The following SLC7A6 variants were observed in gnomAD, a reference collection of about 807,000 sequenced individuals.
The protein encoded by SLC7A6 is solute carrier family 7 member 6.
In SLC7A6, 29 loss-of-function variants were observed where a neutral mutation model predicts 46.6. The observed-to-expected ratio is 0.62, with a 90% CI of 0.46 to 0.85. The LOEUF (loss-of-function observed/expected upper bound fraction) is 0.85. Among genes scored for constraint, SLC7A6 ranks in the 40% least tolerant of loss-of-function variants. SLC7A6 has a pLI of 0.00. For synonymous variants in SLC7A6, 276 were observed against 257.3 expected (o/e 1.07, Z -0.70); for missense variants, 527 against 647.6 (o/e 0.81, Z 2.02).
intron 3 of SLC7A6, among the ~76,000 whole-genome samples, chr16:68,283,962 AGAATCAG>A (rs1178974283): frequency 6.6e-6 from 1 of 152,168 alleles, no homozygotes; most frequent in East Asian, 1.9e-4. Flanking sequence ...TTTCTTAATT[AGAATCAG>A]GAGAACAGTC....
At chr16:68,294,673 G>T in intron 7 of SLC7A6, 32 bp from the exon 8 acceptor site, 2 of 1,471,992 alleles carry the variant, frequency 1.4e-6, no homozygotes, top group Non-Finnish European at 1.9e-6. Context: ...AAGGAGTAAA[G>T]GATCCTGCTG....
At chr16:68,277,195 T>C (rs975652258) in intron 3 of SLC7A6, among the ~76,000 whole-genome samples, 2 of 151,384 alleles carry the variant, frequency 1.3e-5, no homozygotes, top group African/African-American at 4.9e-5. Context: ...CAAATGATTC[T>C]CTTGCCTCAG....
At chr16:68,272,775 TATTGGTCACTGGGGTCAG>T (rs2042643920) in intron 2 of SLC7A6, among the ~76,000 whole-genome samples, 6 of 152,202 alleles carry the variant, frequency 3.9e-5, no homozygotes, top group Admixed American at 3.9e-4. Flanking sequence ...GGGCGAGCTG[TATTGGTCACTGGGGTCAG>T]ATTTCTCTGC....
rs2043043332 is a variant in SLC7A6 at position 68,291,204 on chromosome 16, G to GATAGAA, written c.795-4_795-3insTAGAAA. On this transcript the variant is annotated splice_polypyrimidine_tract_variant and splice_region_variant and intron_variant, in intron 5 of 10. Coordinates refer to ENST00000219343, the MANE Select transcript of SLC7A6 (RefSeq NM_003983.6). ...TAGGTAGTCCTTTCTCACTTGTCCT[G>GATAGAA]ACAGAAATTTGCCCTTGGCCATTGG... 6.2e-7 allele frequency: 1 copy of GATAGAA among 1,614,074 alleles called. No individual in the cohort carries two copies. The highest frequency in any genetic ancestry group is 8.5e-7 in the Non-Finnish European group (1 of 1,180,046).
chr16:68,275,406 A>G (rs1041152969), intron 3 of SLC7A6, among the ~76,000 whole-genome samples, 157 bp downstream of exon 3: 1 of 151,672 alleles, frequency 6.6e-6, no homozygotes, highest in Non-Finnish European at 1.5e-5. Context: ...GACCAGCCTG[A>G]CCAACATGGA....
intron 5 of SLC7A6, 188 bp downstream of exon 5, chr16:68,290,728 C>G: frequency 2.9e-6 from 2 of 692,914 alleles, no homozygotes; most frequent in Non-Finnish European, 4.8e-6. Context: ...GCCTTCGGCT[C>G]CCTGTCCTCA....
chr16:68,289,618 A>C (rs1031606877), intron 4 of SLC7A6, among the ~76,000 whole-genome samples: 5 of 152,184 alleles, frequency 3.3e-5, no homozygotes, highest in African/African-American at 1.2e-4. Flanking sequence ...CTTCCTTAGA[A>C]GTCTGGGTCT....
At chr16:68,275,393 C>G (rs868171553) in intron 3 of SLC7A6, 144 bp downstream of exon 3, 4 of 961,444 alleles carry the variant, frequency 4.2e-6, no homozygotes, top group Non-Finnish European at 3.1e-6. Flanking sequence ...GTTGGGAGTT[C>G]GAGACCAGCC....
At chr16:68,278,955 C>G (rs1394026522) in intron 3 of SLC7A6, among the ~76,000 whole-genome samples, 1 of 152,052 alleles carries the variant, frequency 6.6e-6, no homozygotes, top group Non-Finnish European at 1.5e-5. Context: ...CACCTCCCTC[C>G]CGGACAGGGC....
rs1160342836 is a variant in SLC7A6 at position 68,291,765 on chromosome 16, GTGT to G, written c.1022+105_1022+107del. On this transcript the variant is annotated intron_variant, in intron 7 of 10. Coordinates refer to ENST00000219343, the MANE Select transcript of SLC7A6 (RefSeq NM_003983.6). ...CCTCCTTCTCATGGGCATATAGGGTGTGTGTGTGTGTGTGTGTGTGTGTGTGTG... is the reference window on the plus strand; with the variant it reads ...CCTCCTTCTCATGGGCATATAGGGTGGTGTGTGTGTGTGTGTGTGTGTGTG... 35 of 531,554 alleles carry G rather than the reference GTGT, an allele frequency of 6.6e-5. No individual in the cohort carries two copies. In the African/African-American group the frequency reaches 8.8e-4, roughly 13 times the overall value. The allele number at this position is 531,554 out of a possible 1,614,324, so 32.9% of individuals were successfully genotyped here. A position where few individuals can be genotyped will look rare whatever the true frequency, so the allele number is the denominator to read the frequency against.
chr16:68,285,433 C>T (rs1318509503), intron 3 of SLC7A6, among the ~76,000 whole-genome samples: 5 of 152,198 alleles, frequency 3.3e-5, no homozygotes, highest in Non-Finnish European at 5.9e-5. Context: ...TAACCCCATA[C>T]AGGTAGCTTT....
In SLC7A6 at chr16:68,264,545, C is replaced by T. The variant is rs1465503836; in HGVS notation, c.-197C>T. 2 of 151,526 alleles carry T rather than the reference C, an allele frequency of 1.3e-5. No individual in the cohort carries two copies. The highest frequency in any genetic ancestry group is 3.0e-5 in the Non-Finnish European group (2 of 67,754). The allele number at this position is 151,526 out of a possible 1,614,324, so 9.4% of individuals were successfully genotyped here. A position where few individuals can be genotyped will look rare whatever the true frequency, so the allele number is the denominator to read the frequency against. On this transcript the variant is annotated 5_prime_UTR_variant, in exon 1 of 11. Transcript: ENST00000219343. This position sits in a 1 kb window ranked among gnomAD's most constrained non-coding sequence, Gnocchi z 5.8. ...GCTGCCGCGGCGGCGGCGGCGCGAC[C>T]GAGCATCCTGGCGGCGCCGGGCCAC...
intron 3 of SLC7A6, among the ~76,000 whole-genome samples, chr16:68,281,782 C>G (rs1411318208): frequency 2.0e-5 from 3 of 152,336 alleles, no homozygotes; most frequent in Middle Eastern, 6.8e-3. Flanking sequence ...GCCCATTTAG[C>G]TTTGTGGGCT....
intron 10 of SLC7A6, 103 bp from the exon 11 acceptor site, chr16:68,297,131 G>T: frequency 9.6e-7 from 1 of 1,045,482 alleles, no homozygotes. Flanking sequence ...GTACTTAAGG[G>T]GCAGGTGGCG....
intron 1 of SLC7A6, among the ~76,000 whole-genome samples, chr16:68,266,007 TC>T (rs1366846906): frequency 6.6e-6 from 1 of 152,168 alleles, no homozygotes; most frequent in East Asian, 1.9e-4. Context: ...AGTCCTGTAA[TC>T]CCAGCACTTT....
Position 68,299,661 on chromosome 16 carries a change from G to T in SLC7A6, c.*2333G>T, listed in dbSNP as rs758905654. 3 of 152,198 alleles carry T rather than the reference G, an allele frequency of 2.0e-5. No homozygotes were observed. Among genetic ancestry groups the T allele is most frequent in the Non-Finnish European group, 4.4e-5 (3 of 68,028 alleles). 9.4% of individuals were successfully genotyped at this position (152,198 alleles called of 1,614,324 possible). A position where few individuals can be genotyped will look rare whatever the true frequency, so the allele number is the denominator to read the frequency against. On this transcript the variant is annotated 3_prime_UTR_variant, in exon 11 of 11. Coordinates refer to ENST00000219343, the MANE Select transcript of SLC7A6 (RefSeq NM_003983.6). ...GAGTATAAATAGCAGGGAGCACATT[G>T]TAACAGCACAGTGTTTTGTTTTTTT...
At chr16:68,272,606 T>G (rs1596970741) in intron 2 of SLC7A6, among the ~76,000 whole-genome samples, 1 of 152,200 alleles carries the variant, frequency 6.6e-6, no homozygotes, top group African/African-American at 2.4e-5. Context: ...GGGCTGTGAC[T>G]GTGCCCCACC....
intron 3 of SLC7A6, among the ~76,000 whole-genome samples, chr16:68,283,378 T>C (rs1004325608): frequency 6.6e-5 from 10 of 152,210 alleles, no homozygotes; most frequent in Non-Finnish European, 1.5e-4. Context: ...GCTCTAGCTG[T>C]CATGTCTGCA....
Position 68,290,488 on chromosome 16 carries a change from T to A in SLC7A6, c.742T>A (p.Ser248Thr). Residue 248 changes from serine to threonine, a missense_variant, in exon 5 of 11, where the codon TCA (serine) becomes ACA (threonine). Physicochemically the swap from Ser to Thr is moderately conservative, Grantham distance 58. Transcript: ENST00000219343. Reference protein sequence around the residue: ...LALYSALFSYSGWDTLNFVTE... With the variant: ...LALYSALFSYTGWDTLNFVTE... ...CCTCTACTCTGCCCTCTTCTCTTAC[T>A]CAGGTTGGGACACCCTTAATTTTGT... 1 of 1,614,182 alleles carries A rather than the reference T, an allele frequency of 6.2e-7. No individual in the cohort carries two copies. The highest frequency in any genetic ancestry group is 8.5e-7 in the Non-Finnish European group (1 of 1,180,018).
Sources: allele counts gnomAD v4.1 joint callset (sites outside exome capture counted in the v4.1 genomes callset), GRCh38; gene constraint gnomAD v4.1.1; non-coding constraint Gnocchi (gnomAD v3.1); transcripts MANE v1.5; gene names NCBI Gene and HGNC (gene_info 2026-07-23, HGNC 2026-07-21).